Variants in MAPT observed in about 807,000 individuals in gnomAD.
MAPT encodes the protein microtubule associated protein tau.
Under a neutral mutation model 67.9 loss-of-function variants are expected in MAPT, and 34 were observed. The ratio of observed to expected loss-of-function variants is 0.50; its 90% CI spans 0.38 to 0.67. MAPT has a LOEUF of 0.67. Among genes scored for constraint, MAPT ranks in the 30% least tolerant of loss-of-function variants. The pLI is 0.00. For missense variants in MAPT, 881 were observed against 1,115.2 expected (o/e 0.79, Z 2.99); for synonymous variants, 456 against 464.5 (o/e 0.98, Z 0.23).
intron 1 of MAPT, among the ~76,000 whole-genome samples, chr17:45,938,791 G>C (rs62061725): frequency 0.14 from 21,530 of 150,424 alleles, 2,104 homozygotes; most frequent in Middle Eastern, 0.22. Context: ...CTACAGGGGT[G>C]AGCCCCCATG....
chr17:45,941,701 GCCTGCCTTCCTTCCTTCCTTCCTTCCTT>G lies in MAPT; in HGVS notation c.-17-20616_-17-20589del, dbSNP rs2067970424. Among the ~76,000 whole-genome samples the G allele has an allele frequency of 2.0e-4, 15 of 73,466 alleles. 1 individual carries two copies. The highest frequency in any genetic ancestry group is 1.3e-3 in the Admixed American group (8 of 6,308). 48.2% of individuals were successfully genotyped at this position (73,466 alleles called of 152,430 possible). ...TTCCCTCCTTCCTTCCTTCCTTCCT[GCCTGCCTTCCTTCCTTCCTTCCTTCCTT>G]CCTTCCTTCCTTCCTTCCTTCCTTC... On this transcript the variant is annotated intron_variant, in intron 1 of 12. Transcript: ENST00000262410.
intron 1 of MAPT, among the ~76,000 whole-genome samples, chr17:45,930,736 G>A (rs536481094): frequency 1.3e-5 from 2 of 152,194 alleles, no homozygotes; most frequent in African/African-American, 2.4e-5. Context: ...GTCATCCCCT[G>A]AAAAAAGGTG....
chr17:45,895,454 T>A (rs2063123326), intron 1 of MAPT: 1 of 152,280 alleles, frequency 6.6e-6, no homozygotes, highest in Non-Finnish European at 1.5e-5. Context: ...GATCCCACTG[T>A]GCACGCTCGC....
rs887780256 is a variant in MAPT at position 46,024,022 on chromosome 17, G to A, written c.2353G>A (p.Val785Met). 7.4e-6 allele frequency: 12 copies of A among 1,614,086 alleles called. No homozygotes were observed. The highest frequency in any genetic ancestry group is 4.4e-5 in the South Asian group (4 of 91,084). ...CAAGACAGACCACGGGGCGGAGATC[G>A]TGTACAAGTCGCCAGTGGTGTCTGG... ...KAKTDHGAEI[V>M]YKSPVVSGDT... Residue 785 changes from valine to methionine, a missense_variant, in exon 13 of 13, where the codon GTG (valine) becomes ATG (methionine). Physicochemically the swap from Val to Met is conservative, Grantham distance 21 (BLOSUM62 1). Transcript: ENST00000262410.
chr17:46,016,662 TTGGG>T (rs2076202235), intron 11 of MAPT, among the ~76,000 whole-genome samples: 1 of 151,960 alleles, frequency 6.6e-6, no homozygotes, highest in South Asian at 2.1e-4. Flanking sequence ...TCCCAACTAC[TTGGG>T]AGGCTGAGGC....
chr17:45,945,658 C>T (rs961157728), intron 1 of MAPT, among the ~76,000 whole-genome samples: 2 of 152,034 alleles, frequency 1.3e-5, no homozygotes, highest in African/African-American at 2.4e-5. Flanking sequence ...ACTAAAAATA[C>T]AAAAATTAGC....
chr17:46,005,681 T>C (rs1383631989), intron 9 of MAPT, among the ~76,000 whole-genome samples: 1 of 152,212 alleles, frequency 6.6e-6, no homozygotes, highest in East Asian at 1.9e-4. Context: ...CAAAGACTTG[T>C]GCAGAGGGCG....
chr17:45,929,288 T>C lies in MAPT; in HGVS notation c.-17-33033T>C, dbSNP rs374701083. On this transcript the variant is annotated intron_variant, in intron 1 of 12. Transcript: ENST00000262410. ...CTGGGCAGGGTGTAATTATACTCAT[T>C]ACACAGGCAAGGAAAAGTCACATTA... Among the ~76,000 whole-genome samples, 303 of 152,362 alleles carry C rather than the reference T, an allele frequency of 2.0e-3. 13 individuals are homozygous for C. In the South Asian group the frequency reaches 0.059, roughly 30 times the overall value.
At chr17:45,977,173 C>G (rs920616703) in intron 3 of MAPT, 2 of 152,374 alleles carry the variant, frequency 1.3e-5, no homozygotes, top group African/African-American at 4.8e-5. Flanking sequence ...CCCATGCCCT[C>G]AGCAGCTGCC....
intron 9 of MAPT, among the ~76,000 whole-genome samples, chr17:46,003,096 G>T (rs1307461500): frequency 1.4e-5 from 2 of 146,162 alleles, no homozygotes; most frequent in Non-Finnish European, 3.1e-5. Context: ...CTCTTTTTAA[G>T]GGCGTGTGTG....
intron 2 of MAPT, among the ~76,000 whole-genome samples, chr17:45,970,575 A>G (rs548778666): frequency 6.6e-6 from 1 of 152,354 alleles, no homozygotes; most frequent in South Asian, 2.1e-4. Flanking sequence ...AATCCTCATG[A>G]TTTGAAGGTG....
At chr17:45,954,328 G>A (rs61550878) in intron 1 of MAPT, among the ~76,000 whole-genome samples, 9,053 of 152,064 alleles carry the variant, frequency 0.06, 884 homozygotes, top group African/African-American at 0.2. Flanking sequence ...TTTACTATCT[G>A]GCCCTTTCCA....
chr17:46,023,358 G>A (rs1291476832), intron 12 of MAPT, among the ~76,000 whole-genome samples: 2 of 152,192 alleles, frequency 1.3e-5, no homozygotes, highest in African/African-American at 2.4e-5. Flanking sequence ...TGGTACATCC[G>A]TGGCGACGGA....
intron 1 of MAPT, among the ~76,000 whole-genome samples, chr17:45,932,481 T>C (rs2066926224): frequency 6.6e-6 from 1 of 150,454 alleles, no homozygotes; most frequent in African/African-American, 2.5e-5. Flanking sequence ...TCCCAGCTAC[T>C]CGGGAGGCTG....
chr17:45,926,086 C>A (rs1354769845), intron 1 of MAPT, among the ~76,000 whole-genome samples: 2 of 152,008 alleles, frequency 1.3e-5, no homozygotes, highest in African/African-American at 4.8e-5. Context: ...TGGCACACAT[C>A]TGTAATCCCA....
chr17:45,957,564 G>C (rs967136108), intron 1 of MAPT, among the ~76,000 whole-genome samples: 1 of 152,204 alleles, frequency 6.6e-6, no homozygotes, highest in Non-Finnish European at 1.5e-5. Context: ...TGGTGCCCCA[G>C]CCACATCTCT....
intron 1 of MAPT, among the ~76,000 whole-genome samples, chr17:45,901,658 C>A (rs956118859): frequency 2.6e-5 from 4 of 152,138 alleles, no homozygotes; most frequent in African/African-American, 9.7e-5. Flanking sequence ...GTCATTATAT[C>A]AGAAAATCAT....
intron 1 of MAPT, among the ~76,000 whole-genome samples, chr17:45,956,744 C>T (rs1411412668): frequency 6.6e-6 from 1 of 151,200 alleles, no homozygotes; most frequent in Non-Finnish European, 1.5e-5. Flanking sequence ...TATCCCTCCC[C>T]ACTCCCCCCA....
At chr17:45,936,604 T>C (rs2067354810) in intron 1 of MAPT, among the ~76,000 whole-genome samples, 1 of 152,226 alleles carries the variant, frequency 6.6e-6, no homozygotes, top group Non-Finnish European at 1.5e-5. Flanking sequence ...GTTTTTTTGT[T>C]CGTTAATAAT....
Sources: gnomAD v4.1 joint callset for allele counts (sites outside exome capture counted in the v4.1 genomes callset) on GRCh38, gnomAD v4.1.1 for gene constraint, MANE v1.5 for transcripts, NCBI Gene and HGNC (gene_info 2026-07-23, HGNC 2026-07-21) for gene names.